DCLK1: variants seen among roughly 807,000 people sequenced by gnomAD.
The protein encoded by DCLK1 is doublecortin like kinase 1, also known as serine/threonine-protein kinase DCLK1.
A neutral mutation model predicts 86.2 loss-of-function variants in DCLK1; 16 were observed. The observed-to-expected ratio is 0.19, with a 90% CI of 0.13 to 0.28. The LOEUF (loss-of-function observed/expected upper bound fraction) is 0.28, where lower values mean the gene tolerates loss of function less well. Among genes scored for constraint, DCLK1 ranks in the 10% least tolerant of loss-of-function variants. The pLI, the probability that DCLK1 is intolerant of heterozygous loss-of-function variation, is 1.00. For synonymous variants in DCLK1, 369 were observed against 370.5 expected (o/e 1.00, Z 0.05); for missense variants, 590 against 940.2 (o/e 0.63, Z 4.87).
chr13:35,886,247 G>A (rs1012702409), intron 4 of DCLK1, among the ~76,000 whole-genome samples: 2 of 151,986 alleles, frequency 1.3e-5, no homozygotes, highest in African/African-American at 2.4e-5. Flanking sequence ...TCCTGACCTC[G>A]TGATCTGCCC....
chr13:35,940,234 A>AAAAAG (rs397948766), intron 4 of DCLK1, among the ~76,000 whole-genome samples: 1 of 150,736 alleles, frequency 6.6e-6, no homozygotes. Context: ...AAAAAAAAAA[A>AAAAAG]TAAGTTAGTA....
chr13:36,078,960 T>G (rs1884317308), intron 3 of DCLK1, among the ~76,000 whole-genome samples: 1 of 152,066 alleles, frequency 6.6e-6, no homozygotes, highest in Non-Finnish European at 1.5e-5. Flanking sequence ...AGGGGGATGG[T>G]GGACAGATAC....
At chr13:36,032,251 C>T (rs1471154202) in intron 3 of DCLK1, among the ~76,000 whole-genome samples, 4 of 151,804 alleles carry the variant, frequency 2.6e-5, no homozygotes, top group East Asian at 1.9e-4. Flanking sequence ...AAGCAATTCT[C>T]CTGCCTCAGC....
intron 3 of DCLK1, among the ~76,000 whole-genome samples, chr13:36,109,766 TTTTTTGA>T (rs1414868923): frequency 1.3e-5 from 2 of 152,228 alleles, no homozygotes; most frequent in Admixed American, 1.3e-4. Context: ...TGAATCCTGG[TTTTTTGA>T]CATTAAACCT....
Position 36,082,836 on chromosome 13 carries a change from A to G in DCLK1, c.723+29033T>C, listed in dbSNP as rs744191. On this transcript the variant is annotated intron_variant, in intron 3 of 16. Transcript: ENST00000360631. ...GCCCCAGCTATCTACCTAGAACTTT[A>G]TCTTCATTCCTCATTTGTCTTCCTT... 5.0e-3 allele frequency among the ~76,000 whole-genome samples: 755 copies of G among 152,330 alleles called. 4 individuals are homozygous for G. Among genetic ancestry groups the G allele is most frequent in the African/African-American group, 0.017 (715 of 41,580 alleles).
chr13:35,817,507 T>G (rs749675974), intron 11 of DCLK1, among the ~76,000 whole-genome samples: 9 of 152,332 alleles, frequency 5.9e-5, no homozygotes, highest in Non-Finnish European at 1.0e-4. Flanking sequence ...TTTTCTAAAG[T>G]TAACCCTAAA....
At chr13:35,865,674 G>GT (rs1364549876) in intron 5 of DCLK1, among the ~76,000 whole-genome samples, 2 of 152,174 alleles carry the variant, frequency 1.3e-5, no homozygotes, top group African/African-American at 4.8e-5. Flanking sequence ...CCTGACACTA[G>GT]TTGGTCTGTA....
At chr13:36,123,028 G>A (rs1593911322) in intron 2 of DCLK1, among the ~76,000 whole-genome samples, 2 of 152,284 alleles carry the variant, frequency 1.3e-5, no homozygotes, top group South Asian at 2.1e-4. Flanking sequence ...TTTAGTCTGA[G>A]AGCAAGTGAG....
At chr13:35,997,253 T>C (rs1351866559) in intron 3 of DCLK1, among the ~76,000 whole-genome samples, 2 of 152,230 alleles carry the variant, frequency 1.3e-5, no homozygotes. Context: ...TCAAGTTCTT[T>C]TTAATGATGA....
At chr13:36,116,708 C>T (rs975572600) in intron 2 of DCLK1, among the ~76,000 whole-genome samples, 4 of 152,084 alleles carry the variant, frequency 2.6e-5, no homozygotes, top group Admixed American at 1.3e-4. Flanking sequence ...GAAGGATATC[C>T]GTAATATATT....
chr13:35,843,218 G>T (rs1869939871), intron 6 of DCLK1, among the ~76,000 whole-genome samples: 1 of 152,240 alleles, frequency 6.6e-6, no homozygotes, highest in Admixed American at 6.5e-5. Context: ...AAGGCATCTG[G>T]GTGTACAGTA....
chr13:36,049,647 T>C (rs1211133785), intron 3 of DCLK1, among the ~76,000 whole-genome samples: 1 of 152,132 alleles, frequency 6.6e-6, no homozygotes, highest in Non-Finnish European at 1.5e-5. Context: ...TCTCAAAAAT[T>C]TTATCCCAAA....
chr13:36,045,257 C>A (rs1593843474), intron 3 of DCLK1, among the ~76,000 whole-genome samples: 2 of 122,392 alleles, frequency 1.6e-5, no homozygotes, highest in African/African-American at 3.0e-5. Context: ...AATCCATCTT[C>A]TATATATATA....
intron 3 of DCLK1, among the ~76,000 whole-genome samples, chr13:36,053,472 C>T (rs1023416726): frequency 2.6e-5 from 4 of 152,034 alleles, no homozygotes; most frequent in East Asian, 1.9e-4. Flanking sequence ...ACTTATTTAC[C>T]GTCTACTATG....
chr13:35,880,654 G>A (rs1381266600), intron 4 of DCLK1, among the ~76,000 whole-genome samples: 1 of 152,146 alleles, frequency 6.6e-6, no homozygotes, highest in African/African-American at 2.4e-5. Flanking sequence ...TGCAAGTGTA[G>A]TTGGTACATT....
intron 5 of DCLK1, among the ~76,000 whole-genome samples, chr13:35,864,213 G>T (rs1050795955): frequency 6.6e-6 from 1 of 152,188 alleles, no homozygotes; most frequent in African/African-American, 2.4e-5. Flanking sequence ...CCTCAGTTAT[G>T]TCTGCTAAGG....
In DCLK1 at chr13:35,917,375, C is replaced by T. The variant is rs553677791; in HGVS notation, c.823+29983G>A. ...CGCTGGATGGAGGCAGGGTTTTGTT[C>T]GGTTTTGTTTGCTATTGTCGGGCCC... On this transcript the variant is annotated intron_variant, in intron 4 of 16. Coordinates refer to ENST00000360631, the MANE Select transcript of DCLK1 (RefSeq NM_001330071.2). Among the ~76,000 whole-genome samples, 15 of 152,178 alleles carry T rather than the reference C, an allele frequency of 9.9e-5. No individual in the cohort carries two copies. In the South Asian group the frequency reaches 2.7e-3, roughly 27 times the overall value.
intron 3 of DCLK1, among the ~76,000 whole-genome samples, chr13:35,974,612 C>T (rs1879239411): frequency 2.0e-5 from 3 of 152,152 alleles, no homozygotes; most frequent in Middle Eastern, 3.2e-3. Flanking sequence ...CTCTTGCTCT[C>T]TCTCTCCTGC....
At chr13:35,963,368 A>G (rs1021429225) in intron 3 of DCLK1, among the ~76,000 whole-genome samples, 2 of 152,196 alleles carry the variant, frequency 1.3e-5, no homozygotes, top group East Asian at 1.9e-4. Context: ...TTTTAATTCT[A>G]CAATTTACTA....
Sources: allele counts gnomAD v4.1 joint callset (sites outside exome capture counted in the v4.1 genomes callset), GRCh38; gene constraint gnomAD v4.1.1; transcripts MANE v1.5; gene names NCBI Gene and HGNC (gene_info 2026-07-23, HGNC 2026-07-21).